Variants in ZFAT observed in about 807,000 individuals in gnomAD.
The protein encoded by ZFAT is zinc finger and AT-hook domain containing.
In ZFAT, 64 loss-of-function variants were observed where a neutral mutation model predicts 117.7. The ratio of observed to expected loss-of-function variants is 0.54; its 90% CI spans 0.44 to 0.67. The LOEUF (loss-of-function observed/expected upper bound fraction) is 0.67, where lower values mean the gene tolerates loss of function less well. ZFAT is among the 30% of genes least tolerant of loss of function. The pLI, the probability that ZFAT is intolerant of heterozygous loss-of-function variation, is 0.00. For missense variants in ZFAT, 1,433 were observed against 1,584.5 expected (o/e 0.90, Z 1.62); for synonymous variants, 679 against 615.0 (o/e 1.10, Z -1.54).
the ZFAT span, among the ~76,000 whole-genome samples, chr8:134,812,567 TCTA>T: frequency 6.6e-6 from 1 of 152,188 alleles, no homozygotes; most frequent in Non-Finnish European, 1.5e-5. Context: ...AAACCCTGTC[TCTA>T]CTAAAAATAC....
chr8:134,639,047 C>G (rs930673729), intron 2 of ZFAT, among the ~76,000 whole-genome samples: 2 of 152,198 alleles, frequency 1.3e-5, no homozygotes, highest in African/African-American at 4.8e-5. Flanking sequence ...AAAGCTGTTG[C>G]TCTGCACAGT....
At chr8:134,655,293 C>A (rs990185654) in intron 2 of ZFAT, among the ~76,000 whole-genome samples, 10 of 152,228 alleles carry the variant, frequency 6.6e-5, no homozygotes, top group Non-Finnish European at 1.5e-4. Flanking sequence ...CCTTACAACA[C>A]TGACACTCAT....
chr8:134,658,691 A>G (rs1411515571), intron 1 of ZFAT, among the ~76,000 whole-genome samples: 1 of 152,272 alleles, frequency 6.6e-6, no homozygotes, highest in African/African-American at 2.4e-5. Context: ...TATTAAATTC[A>G]GGATTCAATA....
the ZFAT span, among the ~76,000 whole-genome samples, chr8:134,743,784 ACAGCGAGAAGAGAACCCACTTATC>A: frequency 6.6e-6 from 1 of 152,192 alleles, no homozygotes; most frequent in Non-Finnish European, 1.5e-5. Context: ...CTGCCCAGTC[ACAGCGAGAAGAGAACCCACTTATC>A]CACCTTTTCC....
At chr8:134,710,656 C>A (rs1563779406) in intron 1 of ZFAT, among the ~76,000 whole-genome samples, 1 of 152,178 alleles carries the variant, frequency 6.6e-6, no homozygotes, top group East Asian at 1.9e-4. Context: ...GTGAGATAAC[C>A]TGAGGATGGG....
the ZFAT span, among the ~76,000 whole-genome samples, chr8:134,803,678 C>T: frequency 2.6e-5 from 4 of 152,144 alleles, no homozygotes; most frequent in African/African-American, 7.2e-5. Flanking sequence ...CTGTCATTTG[C>T]TCATCTGGAT....
the ZFAT span, among the ~76,000 whole-genome samples, chr8:134,773,053 C>G: frequency 6.8e-6 from 1 of 146,262 alleles, no homozygotes; most frequent in Non-Finnish European, 1.5e-5. Flanking sequence ...ATGATTGTAC[C>G]ACAGCATTCC....
intron 11 of ZFAT, among the ~76,000 whole-genome samples, chr8:134,543,840 G>A (rs561176977): frequency 3.9e-5 from 6 of 152,260 alleles, no homozygotes; most frequent in Non-Finnish European, 7.3e-5. Flanking sequence ...AGCATAAATC[G>A]TGGGATGACA....
the ZFAT span, among the ~76,000 whole-genome samples, chr8:134,735,089 G>A: frequency 1.3e-5 from 2 of 152,154 alleles, no homozygotes; most frequent in Non-Finnish European, 2.9e-5. Context: ...TGCCTTCACA[G>A]GCCAATGTCA....
rs143194315 is a variant in ZFAT, at chr8:134,599,258, T to A, written c.2475+1178A>T. On this transcript the variant is annotated intron_variant, in intron 7 of 15. Transcript: ENST00000377838. ...GATAGCCGGTACACAGTCAATTACA[T>A]GACAAGGACTGTGCCAAGTTCTTTA... The A allele has an allele frequency of 7.9e-5, 12 of 152,636 alleles. No homozygotes were observed. The East Asian group carries it at 2.3e-3, about 29-fold the overall frequency. 9.5% of individuals were successfully genotyped at this position (152,636 alleles called of 1,614,324 possible).
the ZFAT span, among the ~76,000 whole-genome samples, chr8:134,730,420 C>T: frequency 2.0e-5 from 3 of 152,202 alleles, no homozygotes; most frequent in East Asian, 5.8e-4. Context: ...CTTCCCCACT[C>T]CCCCTTCCTG....
At chr8:134,491,714 C>T (rs1214585328) in intron 15 of ZFAT, among the ~76,000 whole-genome samples, 2 of 152,178 alleles carry the variant, frequency 1.3e-5, no homozygotes, top group East Asian at 3.9e-4. Context: ...TACTGCCTTC[C>T]TCTTCCCCAT....
At chr8:134,781,042 ATGT>A in the ZFAT span, among the ~76,000 whole-genome samples, 1 of 151,352 alleles carries the variant, frequency 6.6e-6, no homozygotes, top group African/African-American at 2.4e-5. Context: ...TTTTTTTTGG[ATGT>A]TGTTTCATTT....
At chr8:134,820,314 T>C in the ZFAT span, among the ~76,000 whole-genome samples, 1 of 152,148 alleles carries the variant, frequency 6.6e-6, no homozygotes, top group Non-Finnish European at 1.5e-5. Flanking sequence ...ACTTCAAAGA[T>C]CCTTATGTAA....
At chr8:134,787,050 T>C in the ZFAT span, among the ~76,000 whole-genome samples, 4 of 152,110 alleles carry the variant, frequency 2.6e-5, no homozygotes, top group African/African-American at 9.7e-5. Context: ...GGTCTCACTA[T>C]GTTGCCCAGG....
At chr8:134,633,715 C>T (rs1213711287) in intron 3 of ZFAT, among the ~76,000 whole-genome samples, 2 of 152,124 alleles carry the variant, frequency 1.3e-5, no homozygotes, top group Non-Finnish European at 1.5e-5. Context: ...AACATCTGTG[C>T]CTTAGTTTGC....
At chr8:134,512,137 C>G (rs924120903) in intron 14 of ZFAT, among the ~76,000 whole-genome samples, 4 of 152,206 alleles carry the variant, frequency 2.6e-5, no homozygotes, top group African/African-American at 4.8e-5. Context: ...ATTAGCCAAC[C>G]ATTAACAATG....
the ZFAT span, among the ~76,000 whole-genome samples, chr8:134,729,771 C>A: frequency 6.6e-6 from 1 of 152,162 alleles, no homozygotes; most frequent in South Asian, 2.1e-4. Context: ...GTTACCCTCA[C>A]AAGCTTGGGT....
intron 10 of ZFAT, among the ~76,000 whole-genome samples, chr8:134,571,303 G>A (rs559330350): frequency 1.2e-4 from 18 of 152,360 alleles, no homozygotes; most frequent in South Asian, 4.1e-4. Flanking sequence ...AGGAAGTGAC[G>A]TTATACTAAG....
Sources: gnomAD v4.1 joint callset for allele counts (sites outside exome capture counted in the v4.1 genomes callset) on GRCh38, gnomAD v4.1.1 for gene constraint, MANE v1.5 for transcripts, NCBI Gene and HGNC (gene_info 2026-07-23, HGNC 2026-07-21) for gene names.